LUC7L2: variants seen among roughly 807,000 people sequenced by gnomAD.
LUC7L2 encodes LUC7 like 2, pre-mRNA splicing factor.
In LUC7L2, 25 loss-of-function variants were observed where a neutral mutation model predicts 52.8. The ratio of observed to expected loss-of-function variants is 0.47; its 90% CI spans 0.34 to 0.66. The LOEUF is 0.66. Among genes scored for constraint, LUC7L2 ranks in the 30% least tolerant of loss-of-function variants. The probability of loss-of-function intolerance (pLI) is 0.01; values close to 1 mark genes in which losing one functional copy is unlikely to be tolerated. For missense variants in LUC7L2, 328 were observed against 497.8 expected (o/e 0.66, Z 3.25); for synonymous variants, 144 against 160.9 (o/e 0.89, Z 0.80).
intron 6 of LUC7L2, among the ~76,000 whole-genome samples, chr7:139,408,694 T>C (rs1489851938): frequency 2.0e-5 from 3 of 151,880 alleles, no homozygotes; most frequent in African/African-American, 7.3e-5. Flanking sequence ...ATATAAAAAT[T>C]AGCTGGGTGT....
chr7:139,409,663 T>G lies in LUC7L2; in HGVS notation c.779+9T>G. 1 of 1,586,812 alleles carries G rather than the reference T, an allele frequency of 6.3e-7. No individual in the cohort carries two copies. Among genetic ancestry groups the G allele is most frequent in the Non-Finnish European group, 8.6e-7 (1 of 1,168,784 alleles). On this transcript the variant is annotated intron_variant, in intron 7 of 9. Transcript: ENST00000354926. ...AGGGAGAAGCTGAGGAGGTATGGAG[T>G]AATGGGCCAAGTAATTGAAGTTGAA...
rs562964053 is a variant in LUC7L2 at position 139,386,469 on chromosome 7, A to ATC, written c.156+10315_156+10316dup. Among the ~76,000 whole-genome samples the ATC allele has an allele frequency of 8.2e-3, 1,096 of 133,900 alleles. 9 individuals carry two copies. The highest frequency in any genetic ancestry group is 0.012 in the Non-Finnish European group (789 of 66,060). 87.8% of individuals were successfully genotyped at this position (133,900 alleles called of 152,430 possible). A position where few individuals can be genotyped will look rare whatever the true frequency, so the allele number is the denominator to read the frequency against. ...GTCCAGGCTGGAGTGCAGTGGTGTG[A>ATC]TCTTGGCTTACTGCAAGCTCCGCCT... is the stretch of plus-strand genomic sequence containing the variant. On this transcript the variant is annotated intron_variant, in intron 2 of 9. Coordinates refer to ENST00000354926, the MANE Select transcript of LUC7L2 (RefSeq NM_016019.5).
chr7:139,420,979 A>G (rs1795877846), intron 9 of LUC7L2, among the ~76,000 whole-genome samples: 1 of 151,952 alleles, frequency 6.6e-6, no homozygotes, highest in Non-Finnish European at 1.5e-5. Context: ...TTTGTATTTT[A>G]AGTAGAGACG....
chr7:139,400,210 CGTAATCCCAGCACT>C (rs771669920), intron 3 of LUC7L2, among the ~76,000 whole-genome samples: 5 of 152,082 alleles, frequency 3.3e-5, no homozygotes, highest in Admixed American at 6.6e-5. Flanking sequence ...CGTGGTGGCT[CGTAATCCCAGCACT>C]GTAATCCCAG....
intron 2 of LUC7L2, among the ~76,000 whole-genome samples, chr7:139,381,381 T>C (rs1270312349): frequency 1.4e-5 from 1 of 70,150 alleles, no homozygotes; most frequent in East Asian, 3.1e-4. Context: ...TTTATTTTTA[T>C]TTTATTTTTT....
At chr7:139,360,990 T>C (rs898423636) in intron 1 of LUC7L2, among the ~76,000 whole-genome samples, 1 of 152,248 alleles carries the variant, frequency 6.6e-6, no homozygotes, top group African/African-American at 2.4e-5. Context: ...TCAGTAAATA[T>C]TGACAAATGT....
intron 1 of LUC7L2, among the ~76,000 whole-genome samples, chr7:139,353,441 A>T (rs1799512087): frequency 6.6e-6 from 1 of 152,130 alleles, no homozygotes; most frequent in African/African-American, 2.4e-5. Flanking sequence ...ACCCTCTGAG[A>T]CCTTGTTCCT....
At chr7:139,390,224 TC>T (rs1794382854) in intron 2 of LUC7L2, among the ~76,000 whole-genome samples, 1 of 66,712 alleles carries the variant, frequency 1.5e-5, no homozygotes, top group Non-Finnish European at 2.5e-5. Flanking sequence ...AGTCTCTCTC[TC>T]TCTCTCTCTC....
chr7:139,363,138 C>A, intron 1 of LUC7L2: 1 of 855,070 alleles, frequency 1.2e-6, no homozygotes. Flanking sequence ...GGTGGGAGGG[C>A]CAAAGACAAA....
rs183592772 is a variant in LUC7L2, at chr7:139,386,756, A to G, written c.156+10600A>G. ...TGAGTTCAACCTTTAGGCAAGACCT[A>G]AATGCTTTCTAGCTGATTCTTACTC... On this transcript the variant is annotated intron_variant, in intron 2 of 9. Transcript: ENST00000354926. 2.6e-3 allele frequency among the ~76,000 whole-genome samples: 399 copies of G among 152,060 alleles called. 1 individual carries two copies. The highest frequency in any genetic ancestry group is 4.7e-3 in the Non-Finnish European group (322 of 67,992).
At chr7:139,341,688 G>A (rs573544149) in intron 1 of LUC7L2, among the ~76,000 whole-genome samples, 3 of 152,270 alleles carry the variant, frequency 2.0e-5, no homozygotes, top group African/African-American at 4.8e-5. Context: ...TCCATGCTCT[G>A]GCATAAACTC....
intron 1 of LUC7L2, among the ~76,000 whole-genome samples, chr7:139,367,022 C>A (rs142577796): frequency 3.9e-5 from 6 of 151,920 alleles, no homozygotes; most frequent in Non-Finnish European, 8.8e-5. Flanking sequence ...GTCTCCCAGG[C>A]GTGAAATGCA....
intron 1 of LUC7L2, among the ~76,000 whole-genome samples, chr7:139,349,503 T>A (rs1308242172): frequency 6.6e-6 from 1 of 152,120 alleles, no homozygotes; most frequent in East Asian, 1.9e-4. Flanking sequence ...GGTCCCAGCC[T>A]GAGAATCCTG....
Position 139,360,003 on chromosome 7 carries a change from C to G in LUC7L2, c.-259C>G. The G allele has an allele frequency of 2.0e-6, 1 of 489,336 alleles. No homozygotes were observed. Among genetic ancestry groups the G allele is most frequent in the Non-Finnish European group, 3.6e-6 (1 of 276,464 alleles). 30.3% of individuals were successfully genotyped at this position (489,336 alleles called of 1,614,324 possible). On this transcript the variant is annotated 5_prime_UTR_variant, in exon 1 of 10. Coordinates refer to ENST00000354926, the MANE Select transcript of LUC7L2 (RefSeq NM_016019.5). ...GCGAGAGCTTGCTTGGCCCGTGTCG[C>G]TTCTGTCCCAAGAACCGGACGGAGA...
chr7:139,375,339 G>A, intron 1 of LUC7L2: 1 of 985,412 alleles, frequency 1.0e-6, no homozygotes, highest in African/African-American at 1.7e-5. Context: ...CAGTTTGGCA[G>A]TATGAAAAAG....
At position 139,367,013 on chromosome 7, in the gene LUC7L2, T is replaced by C. The variant is rs768488896; in HGVS notation, c.61+6691T>C. On this transcript the variant is annotated intron_variant, in intron 1 of 9. Transcript: ENST00000354926. The stretch of plus-strand genomic sequence containing the variant: ...TTATTTTTTGGAGACAGAGTCTCTG[T>C]CTCCCAGGCGTGAAATGCAGTGGCC... 7.2e-5 allele frequency among the ~76,000 whole-genome samples: 11 copies of C among 152,082 alleles called. No individual in the cohort carries two copies. The East Asian group carries it at 1.7e-3, about 24-fold the overall frequency.
At chr7:139,409,404 A>G (rs970875339) in intron 6 of LUC7L2, among the ~76,000 whole-genome samples, 159 bp from the exon 7 acceptor site, 2 of 152,140 alleles carry the variant, frequency 1.3e-5, no homozygotes, top group African/African-American at 4.8e-5. Context: ...GAAGACTTGT[A>G]GGCCTAATGA....
chr7:139,401,747 C>T (rs1196549994), intron 3 of LUC7L2, among the ~76,000 whole-genome samples: 1 of 148,810 alleles, frequency 6.7e-6, no homozygotes, highest in Admixed American at 6.8e-5. Flanking sequence ...CCCACCACGC[C>T]CAGCTTCTTT....
chr7:139,354,782 A>G (rs572593511), intron 1 of LUC7L2, among the ~76,000 whole-genome samples: 1 of 151,990 alleles, frequency 6.6e-6, no homozygotes, highest in Non-Finnish European at 1.5e-5. Context: ...AATAAATCAC[A>G]CCCACTTTAA....
Sources: allele counts gnomAD v4.1 joint callset (sites outside exome capture counted in the v4.1 genomes callset), GRCh38; gene constraint gnomAD v4.1.1; transcripts MANE v1.5; gene names NCBI Gene and HGNC (gene_info 2026-07-23, HGNC 2026-07-21).